TIMM13: variants seen among roughly 807,000 people sequenced by gnomAD.
TIMM13 encodes the protein translocase of inner mitochondrial membrane 13, also known as mitochondrial import inner membrane translocase subunit Tim13.
A neutral mutation model predicts 10.9 loss-of-function variants in TIMM13; 8 were observed. The ratio of observed to expected loss-of-function variants is 0.73; its 90% CI spans 0.43 to 1.32. The LOEUF (loss-of-function observed/expected upper bound fraction) is 1.32. TIMM13 is among the 40% of genes most tolerant of loss of function. The pLI is 0.01. For missense variants in TIMM13, 147 were observed against 132.8 expected, an observed-to-expected ratio of 1.11 and a Z score of -0.53; for synonymous variants, 68 against 52.5, an observed-to-expected ratio of 1.30 and a Z score of -1.28.
At chr19:2,427,369 GGT>G in intron 1 of TIMM13, 43 bp downstream of exon 1, 1 of 1,612,146 alleles carries the variant, frequency 6.2e-7, no homozygotes, top group Non-Finnish European at 8.5e-7. Context: ...GGCCCCCAGG[GGT>G]GGCCCTGTCG....
In TIMM13 at chr19:2,426,238, A is replaced by AAGGTCATGGGGATGC; in HGVS notation, c.*709_*710insGCATCCCCATGACCT. The AAGGTCATGGGGATGC allele has an allele frequency of 5.7e-6, 5 of 870,088 alleles. No individual in the cohort carries two copies. The highest frequency in any genetic ancestry group is 3.7e-5 in the South Asian group (2 of 53,766). The allele number at this position is 870,088 out of a possible 1,614,324, so 53.9% of individuals were successfully genotyped here. A position where few individuals can be genotyped will look rare whatever the true frequency, so the allele number is the denominator to read the frequency against. On this transcript the variant is annotated 3_prime_UTR_variant, in exon 3 of 3. Coordinates refer to ENST00000215570, the MANE Select transcript of TIMM13 (RefSeq NM_012458.4). The stretch of plus-strand genomic sequence containing the variant: ...GCATTTTGGTACCACCCTTTGTTCC[A>AAGGTCATGGGGATGC]ATAAACACAGCCCCTCCACCCTAGC...
chr19:2,426,787 CTGGCAGG>C lies in TIMM13; in HGVS notation c.*154_*160del. Reference sequence around the variant, plus strand: ...ACCCCCGAGATCCAAGCTGCACTGGCTGGCAGGGGGCAGGGCGGGGGGTGGCGAGGAC... The same window carrying C: ...ACCCCCGAGATCCAAGCTGCACTGGCGGGCAGGGCGGGGGGTGGCGAGGAC... On this transcript the variant is annotated 3_prime_UTR_variant, in exon 3 of 3. Transcript: ENST00000215570. 1.3e-6 allele frequency: 1 copy of C among 743,562 alleles called. No individual in the cohort carries two copies. Among genetic ancestry groups the C allele is most frequent in the Non-Finnish European group, 2.2e-6 (1 of 445,624 alleles). 46.1% of individuals were successfully genotyped at this position (743,562 alleles called of 1,614,324 possible).
chr19:2,427,188 C>T, intron 2 of TIMM13, 68 bp downstream of exon 2: 2 of 1,580,756 alleles, frequency 1.3e-6, no homozygotes, highest in Non-Finnish European at 1.7e-6. Context: ...AGTCTGCGCA[C>T]GCGCAGACAC....
At position 2,425,738 on chromosome 19, in the gene TIMM13, T is replaced by C. The variant is rs1449176860; in HGVS notation, c.*1210A>G. On this transcript the variant is annotated 3_prime_UTR_variant, in exon 3 of 3. Coordinates refer to ENST00000215570, the MANE Select transcript of TIMM13 (RefSeq NM_012458.4). The stretch of plus-strand genomic sequence containing the variant: ...GCAGAGGCTGCAGTGGGAGGCACCG[T>C]TCCACTCCGGGACCACGTGGCGGGT... 8.7e-7 allele frequency: 1 copy of C among 1,143,440 alleles called. No homozygotes were observed. The highest frequency in any genetic ancestry group is 1.6e-5 in the African/African-American group (1 of 62,726). 70.8% of individuals were successfully genotyped at this position (1,143,440 alleles called of 1,614,324 possible).
Position 2,425,931 on chromosome 19 carries a change from A to C in TIMM13, c.*1017T>G. On this transcript the variant is annotated 3_prime_UTR_variant, in exon 3 of 3. Transcript: ENST00000215570. Reference sequence around the variant, plus strand: ...CCTTTCTTCTCTCCCCAACAGGGTGACGCTGGGGGACCCCTGGCCTGCAGG... The same window carrying C: ...CCTTTCTTCTCTCCCCAACAGGGTGCCGCTGGGGGACCCCTGGCCTGCAGG... 1.3e-6 allele frequency: 2 copies of C among 1,593,090 alleles called. No homozygotes were observed. Among genetic ancestry groups the C allele is most frequent in the Non-Finnish European group, 1.7e-6 (2 of 1,173,368 alleles).
chr19:2,427,153 G>A (rs1971658415), intron 2 of TIMM13, 103 bp downstream of exon 2: 1 of 1,568,562 alleles, frequency 6.4e-7, no homozygotes, highest in Non-Finnish European at 8.7e-7. Flanking sequence ...CACGTGCAGT[G>A]ACCACTCCGT....
intron 2 of TIMM13, 43 bp from the exon 3 acceptor site, chr19:2,427,089 G>C: frequency 6.3e-7 from 1 of 1,596,764 alleles, no homozygotes; most frequent in Non-Finnish European, 8.5e-7. Flanking sequence ...GGGACTTCGC[G>C]GCCCCGGGGA....
Position 2,425,668 on chromosome 19 carries a change from G to A in TIMM13, c.*1280C>T, listed in dbSNP as rs191635272. The A allele has an allele frequency of 2.8e-5, 37 of 1,302,366 alleles. No individual in the cohort carries two copies. In the East Asian group the frequency reaches 1.0e-3, roughly 36 times the overall value. The allele number at this position is 1,302,366 out of a possible 1,614,324, so 80.7% of individuals were successfully genotyped here. A position where few individuals can be genotyped will look rare whatever the true frequency, so the allele number is the denominator to read the frequency against. ...AATTTCCACTCCACAGCCGTTTATTGGGCAACCCACCGCATCCCATCCCCG... is the reference window on the plus strand; with the variant it reads ...AATTTCCACTCCACAGCCGTTTATTAGGCAACCCACCGCATCCCATCCCCG... On this transcript the variant is annotated 3_prime_UTR_variant, in exon 3 of 3. Transcript: ENST00000215570.
At position 2,427,058 on chromosome 19, in the gene TIMM13, G is replaced by C. The variant is rs1971655462; in HGVS notation, c.190-12C>G. The C allele has an allele frequency of 6.2e-7, 1 of 1,606,834 alleles. No homozygotes were observed. The highest frequency in any genetic ancestry group is 8.5e-7 in the Non-Finnish European group (1 of 1,178,150). Reference sequence around the variant, plus strand: ...ATGGCGATGCACTTCTGCGGGAGCGGAGGGGCGCACGGCTCAGCTCGGGAC... The same window carrying C: ...ATGGCGATGCACTTCTGCGGGAGCGCAGGGGCGCACGGCTCAGCTCGGGAC... On this transcript the variant is annotated splice_polypyrimidine_tract_variant and intron_variant, in intron 2 of 2. Coordinates refer to ENST00000215570, the MANE Select transcript of TIMM13 (RefSeq NM_012458.4).
In TIMM13 at chr19:2,426,096, G is replaced by A. The variant is rs1309599744; in HGVS notation, c.*852C>T. 1.9e-6 allele frequency: 3 copies of A among 1,550,302 alleles called. No homozygotes were observed. The highest frequency in any genetic ancestry group is 1.1e-5 in the South Asian group (1 of 86,960). ...CAGCACATCCAGGAGTGACCACCACGTGACTGCCCAGGCCGAGACTCTACG... is the reference window on the plus strand; with the variant it reads ...CAGCACATCCAGGAGTGACCACCACATGACTGCCCAGGCCGAGACTCTACG... On this transcript the variant is annotated 3_prime_UTR_variant, in exon 3 of 3. Coordinates refer to ENST00000215570, the MANE Select transcript of TIMM13 (RefSeq NM_012458.4).
rs9972 is a variant in TIMM13, at chr19:2,426,604, G to A, written c.*344C>T. On this transcript the variant is annotated 3_prime_UTR_variant, in exon 3 of 3. Transcript: ENST00000215570. Reference sequence around the variant, plus strand: ...ATTTATTTGCCCATCCGCAGGAGGTGACAGCTCCTGTGGTGTCTGACCACC... The same window carrying A: ...ATTTATTTGCCCATCCGCAGGAGGTAACAGCTCCTGTGGTGTCTGACCACC... 6.4e-5 allele frequency: 26 copies of A among 408,206 alleles called. No homozygotes were observed. The highest frequency in any genetic ancestry group is 3.7e-4 in the African/African-American group (18 of 48,852). 25.3% of individuals were successfully genotyped at this position (408,206 alleles called of 1,614,324 possible).
In TIMM13 at chr19:2,426,800, G is replaced by A; in HGVS notation, c.*148C>T. The A allele has an allele frequency of 1.2e-6, 1 of 800,768 alleles. No homozygotes were observed. Among genetic ancestry groups the A allele is most frequent in the South Asian group, 1.7e-5 (1 of 60,496 alleles). The allele number at this position is 800,768 out of a possible 1,614,324, so 49.6% of individuals were successfully genotyped here. A position where few individuals can be genotyped will look rare whatever the true frequency, so the allele number is the denominator to read the frequency against. Reference sequence around the variant, plus strand: ...AAGCTGCACTGGCTGGCAGGGGGCAGGGCGGGGGGTGGCGAGGACACAGTC... The same window carrying A: ...AAGCTGCACTGGCTGGCAGGGGGCAAGGCGGGGGGTGGCGAGGACACAGTC... On this transcript the variant is annotated 3_prime_UTR_variant, in exon 3 of 3. Transcript: ENST00000215570.
Position 2,425,725 on chromosome 19 carries a change from G to A in TIMM13, c.*1223C>T. The A allele has an allele frequency of 2.6e-6, 3 of 1,155,014 alleles. No individual in the cohort carries two copies. The highest frequency in any genetic ancestry group is 3.5e-5 in the South Asian group (2 of 57,792). 71.5% of individuals were successfully genotyped at this position (1,155,014 alleles called of 1,614,324 possible). A position where few individuals can be genotyped will look rare whatever the true frequency, so the allele number is the denominator to read the frequency against. Reference sequence around the variant, plus strand: ...GGCGGCAGAGCAGGCAGAGGCTGCAGTGGGAGGCACCGTTCCACTCCGGGA... The same window carrying A: ...GGCGGCAGAGCAGGCAGAGGCTGCAATGGGAGGCACCGTTCCACTCCGGGA... On this transcript the variant is annotated 3_prime_UTR_variant, in exon 3 of 3. Transcript: ENST00000215570.
chr19:2,426,751 C>CAGGGCCCCACACCCCCGAGATCCA lies in TIMM13; in HGVS notation c.*173_*196dup. On this transcript the variant is annotated 3_prime_UTR_variant, in exon 3 of 3. Coordinates refer to ENST00000215570, the MANE Select transcript of TIMM13 (RefSeq NM_012458.4). ...GGGCTGCCAGCACTTCAGGAAGGCA[C>CAGGGCCCCACACCCCCGAGATCCA]AGGGCCCCACACCCCCGAGATCCAA... 1 of 631,454 alleles carries CAGGGCCCCACACCCCCGAGATCCA rather than the reference C, an allele frequency of 1.6e-6. No individual in the cohort carries two copies. 39.1% of individuals were successfully genotyped at this position (631,454 alleles called of 1,614,324 possible).
chr19:2,427,325 CTG>C lies in TIMM13; in HGVS notation c.121-3_121-2del, dbSNP rs760414936. The C allele has an allele frequency of 6.2e-7, 1 of 1,613,380 alleles. No homozygotes were observed. On this transcript the variant is annotated splice_acceptor_variant and splice_polypyrimidine_tract_variant and intron_variant, in intron 1 of 2. Transcript: ENST00000215570. LOFTEE classifies it high-confidence loss of function. ...TCCGGAAACACTTGTCCGTCATCCT[CTG>C]TGGAGACACGCGAGGCTTTAGCCGC... is the stretch of plus-strand genomic sequence containing the variant.
chr19:2,427,240 C>G lies in TIMM13; in HGVS notation c.189+16G>C. The G allele has an allele frequency of 6.2e-7, 1 of 1,612,318 alleles. No individual in the cohort carries two copies. Among genetic ancestry groups the G allele is most frequent in the Non-Finnish European group, 8.5e-7 (1 of 1,179,510 alleles). ...AGGCCCTCGCGACCCTTGCCCCGAA[C>G]CTCCGCGGGTCTCACCTGCTCGGAG... On this transcript the variant is annotated intron_variant, in intron 2 of 2. Transcript: ENST00000215570.
At chr19:2,427,111 C>T in intron 2 of TIMM13, 65 bp from the exon 3 acceptor site, 3 of 1,583,924 alleles carry the variant, frequency 1.9e-6, no homozygotes, top group Non-Finnish European at 2.6e-6. Context: ...CGCCCTGACC[C>T]CGGCTCCAGG....
intron 1 of TIMM13, 39 bp downstream of exon 1, chr19:2,427,375 C>G: frequency 6.2e-7 from 1 of 1,612,024 alleles, no homozygotes; most frequent in Non-Finnish European, 8.5e-7. Context: ...CAGGGGTGGC[C>G]CTGTCGCCCC....
chr19:2,427,362 C>A (rs1475696304), intron 1 of TIMM13, 38 bp from the exon 2 acceptor site: 1 of 1,612,258 alleles, frequency 6.2e-7, no homozygotes, highest in African/African-American at 1.3e-5. Flanking sequence ...CGACGTCGGC[C>A]CCCAGGGGTG....
Sources: allele counts gnomAD v4.1 joint callset, GRCh38; gene constraint gnomAD v4.1.1; transcripts MANE v1.5; gene names NCBI Gene and HGNC (gene_info 2026-07-23, HGNC 2026-07-21).